EPB41L4A: variants seen among roughly 807,000 people sequenced by gnomAD.
EPB41L4A encodes band 4.1-like protein 4A.
A neutral mutation model predicts 108.6 loss-of-function variants in EPB41L4A; 100 were observed. That is an observed-to-expected ratio of 0.92 (90% CI 0.78 to 1.09). The LOEUF is 1.09. Ranked by LOEUF, EPB41L4A falls within the 50% of genes least tolerant of loss-of-function variation. EPB41L4A has a pLI of 0.00. For missense variants in EPB41L4A, 1,030 were observed against 842.7 expected, an observed-to-expected ratio of 1.22 and a Z score of -2.75; for synonymous variants, 319 against 289.0, an observed-to-expected ratio of 1.10 and a Z score of -1.05.
intron 11 of EPB41L4A, among the ~76,000 whole-genome samples, chr5:112,238,764 T>G (rs994625915): frequency 6.6e-6 from 1 of 152,186 alleles, no homozygotes; most frequent in South Asian, 2.1e-4. Context: ...AAGGCAGAAG[T>G]GGGTAGATCT....
intron 20 of EPB41L4A, among the ~76,000 whole-genome samples, chr5:112,169,815 C>T (rs909881301): frequency 6.6e-5 from 10 of 152,182 alleles, no homozygotes; most frequent in Non-Finnish European, 1.5e-4. Context: ...CTCACTTTCT[C>T]TTAACCAAGT....
rs1339570509 is a variant in EPB41L4A, at chr5:112,209,639, T to C, written c.1178+253A>G. Among the ~76,000 whole-genome samples the C allele has an allele frequency of 3.3e-5, 5 of 152,352 alleles. No individual in the cohort carries two copies. In the East Asian group the frequency reaches 9.6e-4, roughly 29 times the overall value. ...GAAATTTTTAATTTTCTGCGGAGAA[T>C]GCAGACCACAGACAATCTGTGAGTT... On this transcript the variant is annotated intron_variant, in intron 13 of 22. Transcript: ENST00000261486.
downstream of EPB41L4A, among the ~76,000 whole-genome samples, chr5:112,157,929 C>G (rs1213695380): frequency 6.6e-6 from 1 of 152,200 alleles, no homozygotes; most frequent in Non-Finnish European, 1.5e-5. Context: ...AAGGAGGAAG[C>G]AGAGACTAGG....
At chr5:112,339,987 C>G (rs1428151710) in intron 1 of EPB41L4A, among the ~76,000 whole-genome samples, 2 of 152,126 alleles carry the variant, frequency 1.3e-5, no homozygotes, top group African/African-American at 2.4e-5. Flanking sequence ...CGTCATGTCA[C>G]CCAGTTGGTT....
chr5:112,165,787 G>A (rs547046925), intron 22 of EPB41L4A, among the ~76,000 whole-genome samples: 1 of 152,228 alleles, frequency 6.6e-6, no homozygotes, highest in South Asian at 2.1e-4. Context: ...CATAAATAAT[G>A]GGCTATACCG....
At chr5:112,286,699 A>G (rs1235385856) in intron 2 of EPB41L4A, among the ~76,000 whole-genome samples, 1 of 152,166 alleles carries the variant, frequency 6.6e-6, no homozygotes, top group Non-Finnish European at 1.5e-5. Flanking sequence ...ACATGGTTCC[A>G]GCAACCTTCT....
intron 12 of EPB41L4A, among the ~76,000 whole-genome samples, chr5:112,150,833 A>G (rs1291004890): frequency 6.6e-6 from 1 of 152,232 alleles, no homozygotes; most frequent in African/African-American, 2.4e-5. Context: ...ATTTAAAATC[A>G]TGTACCCAGC....
intron 17 of EPB41L4A, among the ~76,000 whole-genome samples, chr5:112,186,524 G>C (rs1228038053): frequency 6.6e-6 from 1 of 152,110 alleles, no homozygotes; most frequent in African/African-American, 2.4e-5. Context: ...AAAGTCTAAA[G>C]TGAGGGCAGT....
chr5:112,348,822 C>A (rs1310703037), intron 1 of EPB41L4A, among the ~76,000 whole-genome samples: 2 of 152,196 alleles, frequency 1.3e-5, no homozygotes, highest in African/African-American at 4.8e-5. Flanking sequence ...TACAAAATCT[C>A]ACTAGAGCCC....
intron 3 of EPB41L4A, among the ~76,000 whole-genome samples, chr5:112,280,043 C>A (rs1436195226): frequency 6.6e-6 from 1 of 152,110 alleles, no homozygotes; most frequent in Non-Finnish European, 1.5e-5. Context: ...AAAGACCTGC[C>A]TCTAGGAAAA....
chr5:112,337,906 A>G (rs1472138772), intron 1 of EPB41L4A, among the ~76,000 whole-genome samples: 1 of 152,196 alleles, frequency 6.6e-6, no homozygotes. Context: ...AGGACAGAAC[A>G]GCAGAAACAA....
intron 17 of EPB41L4A, among the ~76,000 whole-genome samples, chr5:112,186,310 A>C (rs773881745): frequency 3.3e-5 from 5 of 152,200 alleles, no homozygotes; most frequent in African/African-American, 7.2e-5. Context: ...ACTGAAAAGG[A>C]AGCACAGTTA....
At chr5:112,376,652 G>A (rs1461593753) in intron 1 of EPB41L4A, among the ~76,000 whole-genome samples, 1 of 152,130 alleles carries the variant, frequency 6.6e-6, no homozygotes, top group Non-Finnish European at 1.5e-5. Flanking sequence ...GCAGGTGCAT[G>A]GTTAAGTGTT....
chr5:112,416,029 AAAATT>A (rs1762700861), intron 1 of EPB41L4A, among the ~76,000 whole-genome samples: 1 of 152,106 alleles, frequency 6.6e-6, no homozygotes, highest in Non-Finnish European at 1.5e-5. Flanking sequence ...AAATGGAAAT[AAAATT>A]ATTTTCCATT....
chr5:112,275,204 A>G (rs1270223026), intron 4 of EPB41L4A, 122 bp downstream of exon 4: 3 of 1,223,588 alleles, frequency 2.5e-6, no homozygotes, highest in Non-Finnish European at 3.3e-6. Flanking sequence ...CTCTAAGGAG[A>G]TGCGTTACAA....
chr5:112,204,416 G>C lies in EPB41L4A; in HGVS notation c.1335C>G (p.Ser445=). 1.9e-6 allele frequency: 3 copies of C among 1,613,980 alleles called. No homozygotes were observed. The highest frequency in any genetic ancestry group is 2.5e-6 in the Non-Finnish European group (3 of 1,179,876). The change falls in exon 15 of 23, where the codon TCC becomes TCG. Residue 445 remains serine, a synonymous_variant. Coordinates refer to ENST00000261486, the MANE Select transcript of EPB41L4A (RefSeq NM_022140.5). The stretch of plus-strand genomic sequence containing the variant: ...GTACAGAATCATTGTCACTTCCACA[G>C]GAGGGGTTTCGGCGACGCGTGTAAG... ...KFPYTRRRNP[S]CGSDNDSVQP...
intron 12 of EPB41L4A, among the ~76,000 whole-genome samples, chr5:112,214,682 C>T (rs903034838): frequency 1.3e-5 from 2 of 152,126 alleles, no homozygotes; most frequent in Non-Finnish European, 2.9e-5. Context: ...AGAAGAATGA[C>T]GTGAACTCAG....
intron 1 of EPB41L4A, among the ~76,000 whole-genome samples, chr5:112,349,999 G>A (rs928209126): frequency 6.6e-6 from 1 of 152,184 alleles, no homozygotes; most frequent in Non-Finnish European, 1.5e-5. Flanking sequence ...AGACAGCATG[G>A]TGTAGAACAG....
chr5:112,230,808 T>C (rs1018557273), intron 12 of EPB41L4A, among the ~76,000 whole-genome samples: 4 of 152,210 alleles, frequency 2.6e-5, no homozygotes, highest in African/African-American at 4.8e-5. Context: ...CCTAAGCCAA[T>C]GTCTAGAAGA....
Sources: gnomAD v4.1 joint callset for allele counts (sites outside exome capture counted in the v4.1 genomes callset) on GRCh38, gnomAD v4.1.1 for gene constraint, MANE v1.5 for transcripts, NCBI Gene and HGNC (gene_info 2026-07-23, HGNC 2026-07-21) for gene names.